The following ASH1L variants were observed in gnomAD, a reference collection of about 807,000 sequenced individuals.
The protein encoded by ASH1L is histone-lysine N-methyltransferase ASH1L.
A neutral mutation model predicts 269.0 loss-of-function variants in ASH1L; 23 were observed. That is an observed-to-expected ratio of 0.09 (90% CI 0.06 to 0.12). ASH1L has a LOEUF of 0.12. ASH1L is among the 10% of genes least tolerant of loss of function. The pLI, the probability that ASH1L is intolerant of heterozygous loss-of-function variation, is 1.00. For synonymous variants in ASH1L, 1,187 were observed against 1,253.5 expected (o/e 0.95, Z 1.12); for missense variants, 2,912 against 3,567.8 (o/e 0.82, Z 4.68).
intron 1 of ASH1L, among the ~76,000 whole-genome samples, chr1:155,548,192 C>T (rs1215959651): frequency 6.6e-6 from 1 of 152,020 alleles, no homozygotes; most frequent in African/African-American, 2.4e-5. Context: ...GGAGGGAGAA[C>T]CTGAGGACGA....
At chr1:155,412,416 A>G (rs975338106) in intron 6 of ASH1L, among the ~76,000 whole-genome samples, 3 of 152,108 alleles carry the variant, frequency 2.0e-5, no homozygotes, top group Non-Finnish European at 2.9e-5. Context: ...TCTCAAAAAA[A>G]CAAACAAAAC....
chr1:155,470,382 C>A (rs1272748762), intron 3 of ASH1L, among the ~76,000 whole-genome samples: 1 of 151,852 alleles, frequency 6.6e-6, no homozygotes, highest in Admixed American at 6.6e-5. Context: ...TTGCTTGAGC[C>A]TGGGAGGCGG....
Position 155,459,830 on chromosome 1 carries a change from T to C in ASH1L, c.5053A>G (p.Lys1685Glu). 6.2e-7 allele frequency: 1 copy of C among 1,613,688 alleles called. No homozygotes were observed. The highest frequency in any genetic ancestry group is 8.5e-7 in the Non-Finnish European group (1 of 1,179,866). ...SESTNCSPTR[K>E]RSSSESTSST... The stretch of plus-strand genomic sequence containing the variant: ...GAAGTACTCTCAGATGAAGACCTTT[T>C]CCGGGTAGGGCTACAATTTGTGCTC... Residue 1685 changes from lysine to glutamate, a missense_variant, in exon 4 of 28, where the codon AAA becomes GAA. Around this residue, in one of 13 missense-constraint regions of ASH1L, gnomAD observed 789 missense variants for 897.6 expected, o/e 0.88. Coordinates refer to ENST00000392403, the MANE Select transcript of ASH1L (RefSeq NM_018489.3).
chr1:155,453,435 T>C (rs1187914279), intron 4 of ASH1L, among the ~76,000 whole-genome samples: 1 of 152,206 alleles, frequency 6.6e-6, no homozygotes, highest in African/African-American at 2.4e-5. Flanking sequence ...CCCTTGTATA[T>C]GACCTAATTC....
chr1:155,540,772 A>C (rs1670375275), intron 1 of ASH1L, among the ~76,000 whole-genome samples: 1 of 149,052 alleles, frequency 6.7e-6, no homozygotes, highest in South Asian at 2.1e-4. Flanking sequence ...CTGTCTTAAC[A>C]ACAACAACAA....
intron 2 of ASH1L, among the ~76,000 whole-genome samples, chr1:155,505,744 A>G (rs1249090372): frequency 6.6e-6 from 1 of 152,190 alleles, no homozygotes; most frequent in African/African-American, 2.4e-5. Context: ...ATCTCAATTT[A>G]AAATATATAC....
intron 25 of ASH1L, 138 bp downstream of exon 25, chr1:155,341,798 T>A (rs1371828193): frequency 1.2e-6 from 1 of 865,748 alleles, no homozygotes; most frequent in Non-Finnish European, 1.8e-6. Context: ...ATGTCCCAAA[T>A]AGAGACAGAG....
intron 3 of ASH1L, among the ~76,000 whole-genome samples, chr1:155,461,534 ATCC>A (rs1255874414): frequency 4.6e-5 from 7 of 152,290 alleles, no homozygotes; most frequent in African/African-American, 1.7e-4. Context: ...AGTATAATAA[ATCC>A]TCCTCGAGTG....
At chr1:155,400,075 T>C (rs1380879989) in intron 6 of ASH1L, among the ~76,000 whole-genome samples, 3 of 152,088 alleles carry the variant, frequency 2.0e-5, no homozygotes, top group African/African-American at 7.2e-5. Context: ...ATGCTGGGCG[T>C]GGTGGCTCAC....
intron 2 of ASH1L, among the ~76,000 whole-genome samples, chr1:155,495,059 G>T (rs998629306): frequency 3.9e-5 from 6 of 152,192 alleles, no homozygotes; most frequent in Non-Finnish European, 8.8e-5. Context: ...TTGTTTGTTG[G>T]ATTGGAGTCA....
chr1:155,537,302 G>A (rs1048551811), intron 1 of ASH1L, among the ~76,000 whole-genome samples: 1 of 152,142 alleles, frequency 6.6e-6, no homozygotes, highest in Admixed American at 6.6e-5. Flanking sequence ...CAAACAAGAA[G>A]AGTATTTGGG....
In ASH1L at chr1:155,481,895, T is replaced by C. The variant is rs773882716; in HGVS notation, c.975A>G (p.Pro325=). 2 of 1,614,228 alleles carry C rather than the reference T, an allele frequency of 1.2e-6. No individual in the cohort carries two copies. Among genetic ancestry groups the C allele is most frequent in the Non-Finnish European group, 1.7e-6 (2 of 1,180,034 alleles). ...VFINKNLGKK[P]GTITTVGLLS... ...GCAGTCCTACTGTAGTGATAGTTCC[T>C]GGCTTTTTGCCTAAGTTTTTATTAA... is the stretch of plus-strand genomic sequence containing the variant. The change falls in exon 3 of 28, where the codon CCA becomes CCG. Residue 325 remains proline, a synonymous_variant. Transcript: ENST00000392403.
chr1:155,445,897 A>AT, intron 4 of ASH1L, among the ~76,000 whole-genome samples: 1 of 151,086 alleles, frequency 6.6e-6, no homozygotes, highest in South Asian at 2.1e-4. Context: ...TACATTTTTT[A>AT]TTTTTTATTT....
At chr1:155,356,498 G>A (rs1039344728) in intron 15 of ASH1L, among the ~76,000 whole-genome samples, 16 of 152,034 alleles carry the variant, frequency 1.1e-4, no homozygotes, top group African/African-American at 3.9e-4. Flanking sequence ...AGCCAGGCGT[G>A]GTGGCACGTG....
chr1:155,475,239 C>T (rs748600076), intron 3 of ASH1L, among the ~76,000 whole-genome samples: 64 of 152,154 alleles, frequency 4.2e-4, no homozygotes, highest in Admixed American at 1.1e-3. Flanking sequence ...TGGGTTCAAG[C>T]GATTCTCCTG....
At chr1:155,496,722 T>TTGA (rs1356294088) in intron 2 of ASH1L, among the ~76,000 whole-genome samples, 2 of 152,168 alleles carry the variant, frequency 1.3e-5, no homozygotes, top group Non-Finnish European at 2.9e-5. Context: ...CATTGTAGCC[T>TTGA]TGACCTCCTG....
intron 7 of ASH1L, among the ~76,000 whole-genome samples, chr1:155,381,672 C>T (rs1656958198): frequency 6.6e-6 from 1 of 151,686 alleles, no homozygotes; most frequent in Non-Finnish European, 1.5e-5. Flanking sequence ...GTCAGGAGTT[C>T]AAGACCAGCC....
At chr1:155,508,509 T>C (rs974209370) in intron 2 of ASH1L, among the ~76,000 whole-genome samples, 1 of 152,084 alleles carries the variant, frequency 6.6e-6, no homozygotes, top group African/African-American at 2.4e-5. Context: ...CATGATGGCA[T>C]TCACCTGTAA....
chr1:155,421,998 A>G (rs1660724648), intron 5 of ASH1L, among the ~76,000 whole-genome samples: 1 of 152,134 alleles, frequency 6.6e-6, no homozygotes, highest in South Asian at 2.1e-4. Context: ...AACTGATCCT[A>G]TTAAAGAAAA....
Sources: gnomAD v4.1 joint callset for allele counts (sites outside exome capture counted in the v4.1 genomes callset) on GRCh38, gnomAD v4.1.1 for gene constraint, gnomAD v4.1.1 regional missense constraint, MANE v1.5 for transcripts, NCBI Gene and HGNC (gene_info 2026-07-23, HGNC 2026-07-21) for gene names.